Variants in ASIC2 observed in about 807,000 individuals in gnomAD.
The protein encoded by ASIC2 is acid-sensing ion channel 2.
Under a neutral mutation model 57.3 loss-of-function variants are expected in ASIC2, and 25 were observed. The observed-to-expected ratio is 0.44, with a 90% CI of 0.32 to 0.61. ASIC2 has a LOEUF of 0.61. Ranked by LOEUF, ASIC2 falls within the 20% of genes least tolerant of loss-of-function variation. The pLI, the probability that ASIC2 is intolerant of heterozygous loss-of-function variation, is 0.06. For synonymous variants in ASIC2, 319 were observed against 307.5 expected (o/e 1.04, Z -0.39); for missense variants, 641 against 738.1 (o/e 0.87, Z 1.52).
At position 33,292,347 on chromosome 17, in the gene ASIC2, G is replaced by A. The variant is rs1314098809; in HGVS notation, c.-232C>T. The A allele has an allele frequency of 2.0e-6, 2 of 986,192 alleles. No homozygotes were observed. The highest frequency in any genetic ancestry group is 3.5e-5 in the African/African-American group (2 of 57,132). The allele number at this position is 986,192 out of a possible 1,614,324, so 61.1% of individuals were successfully genotyped here. On this transcript the variant is annotated 5_prime_UTR_variant, in exon 1 of 10. Transcript: ENST00000225823. ...GCGCCGCCTCAGCCCGCAGCCCCTGGCAGTGGCCTCTCCCGAGCGCCTCCC... is the reference window on the plus strand; with the variant it reads ...GCGCCGCCTCAGCCCGCAGCCCCTGACAGTGGCCTCTCCCGAGCGCCTCCC...
chr17:33,435,159 T>C (rs1911564115), intron 1 of ASIC2, among the ~76,000 whole-genome samples: 1 of 152,196 alleles, frequency 6.6e-6, no homozygotes, highest in Admixed American at 6.5e-5. Context: ...ATAAATTTTC[T>C]AGCTCTGTTT....
intron 1 of ASIC2, among the ~76,000 whole-genome samples, chr17:33,651,600 C>T (rs1235931932): frequency 6.6e-6 from 1 of 152,212 alleles, no homozygotes; most frequent in Non-Finnish European, 1.5e-5. Context: ...CCACTCATTT[C>T]AGATGGAGAG....
chr17:33,361,609 T>C (rs1238639960), intron 1 of ASIC2, among the ~76,000 whole-genome samples: 5 of 152,210 alleles, frequency 3.3e-5, no homozygotes, highest in Admixed American at 3.3e-4. Flanking sequence ...CTAAGCTTTA[T>C]GATAACAGTC....
intron 1 of ASIC2, among the ~76,000 whole-genome samples, chr17:34,043,298 G>C (rs550977179): frequency 7.9e-5 from 12 of 152,256 alleles, no homozygotes; most frequent in African/African-American, 2.9e-4. Flanking sequence ...CTGTGCTTTA[G>C]TAAATAGGTT....
intron 1 of ASIC2, among the ~76,000 whole-genome samples, chr17:33,613,425 T>C (rs1304056013): frequency 6.6e-6 from 1 of 150,848 alleles, no homozygotes; most frequent in East Asian, 2.0e-4. Flanking sequence ...AGTGCAGTGT[T>C]GCGATCTCGG....
chr17:34,085,875 G>T (rs951508508), intron 1 of ASIC2, among the ~76,000 whole-genome samples: 16 of 151,614 alleles, frequency 1.1e-4, no homozygotes, highest in Admixed American at 9.8e-4. Flanking sequence ...CTGTGGGATC[G>T]GTGGTGACAT....
chr17:34,010,307 A>G (rs4513143), intron 1 of ASIC2, among the ~76,000 whole-genome samples: 14,974 of 152,148 alleles, frequency 0.098, 1,209 homozygotes, highest in East Asian at 0.23. Flanking sequence ...CCAAATGAGC[A>G]CTGGTAAAGA....
chr17:33,771,274 A>T (rs1040432976), intron 1 of ASIC2, among the ~76,000 whole-genome samples: 2 of 152,174 alleles, frequency 1.3e-5, no homozygotes, highest in Non-Finnish European at 2.9e-5. Flanking sequence ...GACCAGGGAG[A>T]TCAAAATAAT....
chr17:33,782,271 A>T (rs1911477338), intron 1 of ASIC2, among the ~76,000 whole-genome samples: 1 of 151,792 alleles, frequency 6.6e-6, no homozygotes, highest in Admixed American at 6.6e-5. Flanking sequence ...TTTCCCCTAT[A>T]AGCTTCAAAG....
intron 1 of ASIC2, among the ~76,000 whole-genome samples, chr17:33,165,566 G>A (rs190281725): frequency 1.3e-5 from 2 of 152,080 alleles, no homozygotes; most frequent in East Asian, 3.9e-4. Context: ...TAAGGATAGG[G>A]GAATCTGATT....
At chr17:33,399,710 G>A (rs1182784004) in intron 1 of ASIC2, among the ~76,000 whole-genome samples, 1 of 152,104 alleles carries the variant, frequency 6.6e-6, no homozygotes, top group Non-Finnish European at 1.5e-5. Context: ...CAGCCTCCTG[G>A]CATTTCTGAT....
At chr17:33,264,931 C>T (rs945641464) in intron 1 of ASIC2, among the ~76,000 whole-genome samples, 1 of 152,246 alleles carries the variant, frequency 6.6e-6, no homozygotes, top group African/African-American at 2.4e-5. Flanking sequence ...TGGATGTAAA[C>T]TCTGCCAGAG....
intron 1 of ASIC2, among the ~76,000 whole-genome samples, chr17:33,640,350 C>T (rs555387139): frequency 6.6e-6 from 1 of 151,972 alleles, no homozygotes; most frequent in Non-Finnish European, 1.5e-5. Context: ...GAATGCACAC[C>T]CACCTTTGCA....
chr17:33,686,239 G>A (rs1025064391), intron 1 of ASIC2, among the ~76,000 whole-genome samples: 1 of 152,090 alleles, frequency 6.6e-6, no homozygotes, highest in Non-Finnish European at 1.5e-5. Context: ...GCAGAAAGAT[G>A]GCCAAAGAGC....
chr17:33,953,592 G>A (rs951779552), intron 1 of ASIC2, among the ~76,000 whole-genome samples: 1 of 152,020 alleles, frequency 6.6e-6, no homozygotes, highest in Non-Finnish European at 1.5e-5. Flanking sequence ...ATAAATCAAT[G>A]CAGTGTATAA....
chr17:33,038,162 A>G (rs749337165), intron 3 of ASIC2, among the ~76,000 whole-genome samples: 4 of 152,214 alleles, frequency 2.6e-5, no homozygotes, highest in Non-Finnish European at 4.4e-5. Flanking sequence ...TATCTGATTA[A>G]ATAAGTTCAG....
At chr17:34,119,975 C>G (rs777197287) in intron 1 of ASIC2, 1 of 152,290 alleles carries the variant, frequency 6.6e-6, no homozygotes, top group Admixed American at 6.5e-5. Context: ...TCTCCAGATG[C>G]ACCTCAGAAC....
intron 1 of ASIC2, among the ~76,000 whole-genome samples, chr17:34,106,801 GGTTCATCTTTTACCCCA>G (rs910049703): frequency 6.6e-6 from 1 of 152,034 alleles, no homozygotes; most frequent in Non-Finnish European, 1.5e-5. Flanking sequence ...AGATATTCCA[GGTTCATCTTTTACCCCA>G]GTTCCAGCCC....
chr17:33,877,808 T>C (rs1047752439), intron 1 of ASIC2, among the ~76,000 whole-genome samples: 6 of 152,172 alleles, frequency 3.9e-5, no homozygotes, highest in Non-Finnish European at 7.3e-5. Context: ...ACAGACTGCC[T>C]CCTCAAGTGG....
Sources: gnomAD v4.1 joint callset for allele counts (sites outside exome capture counted in the v4.1 genomes callset) on GRCh38, gnomAD v4.1.1 for gene constraint, MANE v1.5 for transcripts, NCBI Gene and HGNC (gene_info 2026-07-23, HGNC 2026-07-21) for gene names.